The following IKBIP variants were observed in gnomAD, a reference collection of about 807,000 sequenced individuals.
IKBIP encodes inhibitor of nuclear factor kappa-B kinase-interacting protein.
Under a neutral mutation model 31.0 loss-of-function variants are expected in IKBIP, and 28 were observed. That is an observed-to-expected ratio of 0.90 (90% CI 0.67 to 1.24). The LOEUF (loss-of-function observed/expected upper bound fraction) is 1.24, where lower values mean the gene tolerates loss of function less well. Among genes scored for constraint, IKBIP ranks in the 50% most tolerant of loss-of-function variants. The pLI is 0.00. For missense variants in IKBIP, 453 were observed against 441.9 expected, an observed-to-expected ratio of 1.03 and a Z score of -0.23; for synonymous variants, 164 against 160.3, an observed-to-expected ratio of 1.02 and a Z score of -0.17.
In IKBIP at chr12:98,643,816, T is replaced by TCTTTTTTTTTTTTTTTC. The variant is rs1313799182; in HGVS notation, c.179+706_179+707insGAAAAAAAAAAAAAAAG. Reference sequence around the variant, plus strand: ...CTTTGGGAGCATAATGATATGGTTTTCTTTTTTTTTTTTTTTTGAGACGGA... The same window carrying TCTTTTTTTTTTTTTTTC: ...CTTTGGGAGCATAATGATATGGTTTTCTTTTTTTTTTTTTTTCCTTTTTTTTTTTTTTTTGAGACGGA... On this transcript the variant is annotated intron_variant, in intron 1 of 2. Transcript: ENST00000299157. 1.3e-3 allele frequency among the ~76,000 whole-genome samples: 158 copies of TCTTTTTTTTTTTTTTTC among 119,840 alleles called. 1 individual carries two copies. Among genetic ancestry groups the TCTTTTTTTTTTTTTTTC allele is most frequent in the African/African-American group, 4.4e-3 (146 of 33,410 alleles). 78.6% of individuals were successfully genotyped at this position (119,840 alleles called of 152,430 possible). A position where few individuals can be genotyped will look rare whatever the true frequency, so the allele number is the denominator to read the frequency against.
chr12:98,628,191 G>A (rs1213495338), intron 2 of IKBIP, among the ~76,000 whole-genome samples: 1 of 152,210 alleles, frequency 6.6e-6, no homozygotes, highest in African/African-American at 2.4e-5. Context: ...TTTAATCGAC[G>A]AGAAAGACAA....
chr12:98,635,284 A>G (rs960169522), intron 1 of IKBIP, among the ~76,000 whole-genome samples: 10 of 151,978 alleles, frequency 6.6e-5, no homozygotes, highest in African/African-American at 1.9e-4. Flanking sequence ...GATTACAGGC[A>G]TGAGCCACTG....
downstream of IKBIP, among the ~76,000 whole-genome samples, chr12:98,620,970 G>T (rs531820439): frequency 1.3e-5 from 2 of 148,356 alleles, no homozygotes; most frequent in African/African-American, 5.0e-5. Context: ...CCTAGTGGCC[G>T]TGCGTGGTGG....
At chr12:98,640,420 A>G (rs183835681) in intron 1 of IKBIP, among the ~76,000 whole-genome samples, 1 of 151,912 alleles carries the variant, frequency 6.6e-6, no homozygotes, top group Non-Finnish European at 1.5e-5. Context: ...AGCCTGGGCA[A>G]CAAGAGCAAA....
rs763730831 is a variant in IKBIP at position 98,625,099 on chromosome 12, T to C, written c.*831A>G. ...GATTACAGGTGTGAGCCACTGCGCC[T>C]GGCCTATTTAAGTAAACCATCTAGA... On this transcript the variant is annotated 3_prime_UTR_variant, in exon 3 of 3. Coordinates refer to ENST00000299157, the MANE Select transcript of IKBIP (RefSeq NM_153687.4). The C allele has an allele frequency of 5.2e-5, 51 of 983,626 alleles. No individual in the cohort carries two copies. In the East Asian group the frequency reaches 5.7e-4, roughly 11 times the overall value. The allele number at this position is 983,626 out of a possible 1,614,324, so 60.9% of individuals were successfully genotyped here.
exon 3 of IKBIP, chr12:98,613,778 A>AGAT: frequency 6.2e-7 from 1 of 1,611,356 alleles, no homozygotes; most frequent in Non-Finnish European, 8.5e-7. Flanking sequence ...GTCCTTCTTT[A>AGAT]GATTATACAC....
chr12:98,633,190 G>A (rs139628582), intron 2 of IKBIP, among the ~76,000 whole-genome samples: 40 of 152,222 alleles, frequency 2.6e-4, no homozygotes, highest in Non-Finnish European at 4.4e-4. Flanking sequence ...CTTGTGACAT[G>A]AGCAAAGGTT....
At chr12:98,639,882 A>C (rs74588504) in intron 1 of IKBIP, among the ~76,000 whole-genome samples, 4,787 of 152,288 alleles carry the variant, frequency 0.031, 167 homozygotes, top group East Asian at 0.13. Context: ...CAGTTTTAGC[A>C]CAATACCTAG....
At chr12:98,617,970 A>G (rs2097607186) in intron 2 of IKBIP, among the ~76,000 whole-genome samples, 1 of 152,244 alleles carries the variant, frequency 6.6e-6, no homozygotes, top group Non-Finnish European at 1.5e-5. Context: ...GTACTACAGT[A>G]TGTCCTAGTA....
chr12:98,643,352 G>A (rs919115751), intron 1 of IKBIP, among the ~76,000 whole-genome samples: 1 of 152,014 alleles, frequency 6.6e-6, no homozygotes, highest in Non-Finnish European at 1.5e-5. Flanking sequence ...GATGTCCAGG[G>A]TCTCTTCTAA....
At chr12:98,639,837 C>T (rs1357018990) in intron 1 of IKBIP, among the ~76,000 whole-genome samples, 1 of 152,308 alleles carries the variant, frequency 6.6e-6, no homozygotes, top group South Asian at 2.1e-4. Context: ...GGGTCAGTAC[C>T]CATTTAGCCC....
chr12:98,636,496 G>T (rs1198582305), intron 1 of IKBIP, among the ~76,000 whole-genome samples: 1 of 152,320 alleles, frequency 6.6e-6, no homozygotes, highest in Middle Eastern at 3.4e-3. Context: ...GTAATGCTTT[G>T]AATTCATAAA....
downstream of IKBIP, chr12:98,624,190 TA>T: frequency 1.4e-6 from 1 of 723,250 alleles, no homozygotes; most frequent in Non-Finnish European, 1.7e-6. Flanking sequence ...GTAAAGGATA[TA>T]AGATAAGAGA....
At chr12:98,628,491 GTT>G (rs2097616895) in intron 2 of IKBIP, among the ~76,000 whole-genome samples, 1 of 152,112 alleles carries the variant, frequency 6.6e-6, no homozygotes, top group Non-Finnish European at 1.5e-5. Context: ...TCTTTATTTA[GTT>G]ACATTGTCCT....
chr12:98,613,899 T>C (rs2097604672), exon 3 of IKBIP: 10 of 1,613,756 alleles, frequency 6.2e-6, no homozygotes, highest in Non-Finnish European at 8.5e-6. Flanking sequence ...TTTAGTTCGG[T>C]TAGCGTCTTC....
Position 98,633,510 on chromosome 12 carries a change from C to CTTTTTTTTTTTTTTTTTTTTTTTTT in IKBIP, c.297+785_297+786insAAAAAAAAAAAAAAAAAAAAAAAAA, listed in dbSNP as rs71432181. Among the ~76,000 whole-genome samples the CTTTTTTTTTTTTTTTTTTTTTTTTT allele has an allele frequency of 3.6e-4, 22 of 61,390 alleles. 4 individuals are homozygous for CTTTTTTTTTTTTTTTTTTTTTTTTT. Among genetic ancestry groups the CTTTTTTTTTTTTTTTTTTTTTTTTT allele is most frequent in the Non-Finnish European group, 5.1e-4 (18 of 35,572 alleles). 40.3% of individuals were successfully genotyped at this position (61,390 alleles called of 152,430 possible). A position where few individuals can be genotyped will look rare whatever the true frequency, so the allele number is the denominator to read the frequency against. ...GCTAGCCGTTCTTTTTTTTTTAATT[C>CTTTTTTTTTTTTTTTTTTTTTTTTT]TTTTTTTTTTTTTTTTTTTTTTTTG... On this transcript the variant is annotated intron_variant, in intron 2 of 2. Coordinates refer to ENST00000299157, the MANE Select transcript of IKBIP (RefSeq NM_153687.4).
chr12:98,643,833 T>TTTTTTTTTTTTTTTTTTG (rs1593004053), intron 1 of IKBIP, among the ~76,000 whole-genome samples: 1 of 135,386 alleles, frequency 7.4e-6, no homozygotes, highest in African/African-American at 3.3e-5. Context: ...TTTTTTTTTT[T>TTTTTTTTTTTTTTTTTTG]GAGACGGAGT....
chr12:98,619,597 G>A (rs2097608480), downstream of IKBIP, among the ~76,000 whole-genome samples: 1 of 152,142 alleles, frequency 6.6e-6, no homozygotes, highest in Non-Finnish European at 1.5e-5. Flanking sequence ...AAGAGTTAGA[G>A]TCTATCAGTA....
intron 1 of IKBIP, among the ~76,000 whole-genome samples, chr12:98,638,308 G>T (rs2097627609): frequency 6.6e-6 from 1 of 152,100 alleles, no homozygotes; most frequent in Non-Finnish European, 1.5e-5. Context: ...ATTTTTTAAA[G>T]ACAAGATCTC....
Sources: allele counts gnomAD v4.1 joint callset (sites outside exome capture counted in the v4.1 genomes callset), GRCh38; gene constraint gnomAD v4.1.1; transcripts MANE v1.5; gene names NCBI Gene and HGNC (gene_info 2026-07-23, HGNC 2026-07-21).